Variants in GNL1 observed in about 807,000 individuals in gnomAD.
The protein encoded by GNL1 is guanine nucleotide-binding protein-like 1.
GNL1 carries 21 observed loss-of-function variants against 75.2 expected under a neutral mutation model. That is an observed-to-expected ratio of 0.28 (90% CI 0.20 to 0.40). GNL1 has a LOEUF of 0.40. Among genes scored for constraint, GNL1 ranks in the 10% least tolerant of loss-of-function variants. GNL1 has a pLI of 1.00. For missense variants in GNL1, 579 were observed against 775.0 expected (o/e 0.75, Z 3.00); for synonymous variants, 287 against 303.4 (o/e 0.95, Z 0.56).
Position 30,555,840 on chromosome 6 carries a change from A to AAATAGGGTGTCTGGGAG in GNL1, c.74-121_74-120insCTCCCAGACACCCTATT. On this transcript the variant is annotated intron_variant, in intron 1 of 11. Coordinates refer to ENST00000376621, the MANE Select transcript of GNL1 (RefSeq NM_005275.5). The surrounding 1 kb of genome is among the most constrained non-coding windows in gnomAD (Gnocchi z 4.3). The stretch of plus-strand genomic sequence containing the variant: ...ACTTCTTCCGATGTTCAGTCCTCCC[A>AAATAGGGTGTCTGGGAG]GACACCCTATTTGGGACCCTCCCGG... 2 of 1,115,890 alleles carry AAATAGGGTGTCTGGGAG rather than the reference A, an allele frequency of 1.8e-6. No homozygotes were observed. Among genetic ancestry groups the AAATAGGGTGTCTGGGAG allele is most frequent in the Non-Finnish European group, 2.6e-6 (2 of 774,544 alleles). 69.1% of individuals were successfully genotyped at this position (1,115,890 alleles called of 1,614,324 possible). A position where few individuals can be genotyped will look rare whatever the true frequency, so the allele number is the denominator to read the frequency against.
In GNL1 at chr6:30,556,116, C is replaced by A; in HGVS notation, c.73+15G>T. Reference sequence around the variant, plus strand: ...AAGCCCGAGCCCCGCCCCCTCCTCCCGCTCCCGCACTGACCTCTCTTCCGC... The same window carrying A: ...AAGCCCGAGCCCCGCCCCCTCCTCCAGCTCCCGCACTGACCTCTCTTCCGC... On this transcript the variant is annotated intron_variant, in intron 1 of 11. Transcript: ENST00000376621. This position sits in a 1 kb window ranked among gnomAD's most constrained non-coding sequence, Gnocchi z 5.7. The A allele has an allele frequency of 1.3e-6, 2 of 1,598,636 alleles. No homozygotes were observed. Among genetic ancestry groups the A allele is most frequent in the Non-Finnish European group, 1.7e-6 (2 of 1,175,710 alleles).
rs1314771869 is a variant in GNL1, at chr6:30,542,112, A to C, written c.*3960T>G. 6.7e-6 allele frequency: 1 copy of C among 149,344 alleles called. No homozygotes were observed. Among genetic ancestry groups the C allele is most frequent in the African/African-American group, 2.5e-5 (1 of 40,204 alleles). The allele number at this position is 149,344 out of a possible 1,614,324, so 9.3% of individuals were successfully genotyped here. A position where few individuals can be genotyped will look rare whatever the true frequency, so the allele number is the denominator to read the frequency against. On this transcript the variant is annotated 3_prime_UTR_variant, in exon 12 of 12. Coordinates refer to ENST00000376621, the MANE Select transcript of GNL1 (RefSeq NM_005275.5). This position sits in a 1 kb window ranked among gnomAD's most constrained non-coding sequence, Gnocchi z 4.5. Reference sequence around the variant, plus strand: ...CAAACATTTTGAAAATTCTCTCCTCACCTCCACTGCCTTTACGCTTTTCCT... The same window carrying C: ...CAAACATTTTGAAAATTCTCTCCTCCCCTCCACTGCCTTTACGCTTTTCCT...
rs557455041 is a variant in GNL1, at chr6:30,548,909, C to T, written c.1100-1379G>A. On this transcript the variant is annotated intron_variant, in intron 8 of 11. Transcript: ENST00000376621. This position sits in a 1 kb window ranked among gnomAD's most constrained non-coding sequence, Gnocchi z 4.2. Reference sequence around the variant, plus strand: ...TCTTCTTTGTAACTGTAAACTACAACATACAAAAAAATGCACAGAACATAC... The same window carrying T: ...TCTTCTTTGTAACTGTAAACTACAATATACAAAAAAATGCACAGAACATAC... 5.9e-5 allele frequency among the ~76,000 whole-genome samples: 9 copies of T among 152,310 alleles called. No homozygotes were observed. The South Asian group carries it at 1.9e-3, about 32-fold the overall frequency.
chr6:30,545,892 AGAG>A lies in GNL1; in HGVS notation c.*177_*179del, dbSNP rs1799417143. The A allele has an allele frequency of 1.0e-5, 6 of 579,958 alleles. No individual in the cohort carries two copies. Among genetic ancestry groups the A allele is most frequent in the Non-Finnish European group, 6.0e-6 (2 of 331,540 alleles). 35.9% of individuals were successfully genotyped at this position (579,958 alleles called of 1,614,324 possible). On this transcript the variant is annotated 3_prime_UTR_variant, in exon 12 of 12. Transcript: ENST00000376621. ...AGAATGCATGAAAAAAGAAGGGAGA[AGAG>A]GAGAGAAGCCTCCCACAGCTGTTAG...
chr6:30,546,881 T>A lies in GNL1; in HGVS notation c.1442-45A>T. The A allele has an allele frequency of 6.8e-7, 1 of 1,475,374 alleles. No individual in the cohort carries two copies. Among genetic ancestry groups the A allele is most frequent in the Non-Finnish European group, 9.3e-7 (1 of 1,072,160 alleles). 91.4% of individuals were successfully genotyped at this position (1,475,374 alleles called of 1,614,324 possible). Reference sequence around the variant, plus strand: ...ATGGAAAGGGAAAGCATTAACCAGGTACCAGTTATACTCCCACTCCCATAA... The same window carrying A: ...ATGGAAAGGGAAAGCATTAACCAGGAACCAGTTATACTCCCACTCCCATAA... On this transcript the variant is annotated intron_variant, in intron 10 of 11. Transcript: ENST00000376621. The surrounding 1 kb of genome is among the most constrained non-coding windows in gnomAD (Gnocchi z 5.1).
rs191061479 is a variant in GNL1 at position 30,546,656 on chromosome 6, G to A, written c.1582+40C>T. 2.1e-5 allele frequency: 33 copies of A among 1,542,016 alleles called. No homozygotes were observed. Among genetic ancestry groups the A allele is most frequent in the Admixed American group, 1.8e-4 (10 of 54,994 alleles). On this transcript the variant is annotated intron_variant, in intron 11 of 11. Coordinates refer to ENST00000376621, the MANE Select transcript of GNL1 (RefSeq NM_005275.5). This position sits in a 1 kb window ranked among gnomAD's most constrained non-coding sequence, Gnocchi z 5.1. The stretch of plus-strand genomic sequence containing the variant: ...ACAAAGCCCACACCCTTTTACCTAC[G>A]CTATAGCAGGGGGCTGGGGAAGAAT...
chr6:30,546,008 A>C lies in GNL1; in HGVS notation c.*64T>G. 8.8e-7 allele frequency: 1 copy of C among 1,138,886 alleles called. No homozygotes were observed. Among genetic ancestry groups the C allele is most frequent in the Non-Finnish European group, 1.3e-6 (1 of 776,288 alleles). 70.5% of individuals were successfully genotyped at this position (1,138,886 alleles called of 1,614,324 possible). A position where few individuals can be genotyped will look rare whatever the true frequency, so the allele number is the denominator to read the frequency against. ...ATTCACAATTGGGGTGGCAGAGGGGAGATACCCCCAGGTCAGTCCAAAAGC... is the reference window on the plus strand; with the variant it reads ...ATTCACAATTGGGGTGGCAGAGGGGCGATACCCCCAGGTCAGTCCAAAAGC... On this transcript the variant is annotated 3_prime_UTR_variant, in exon 12 of 12. Coordinates refer to ENST00000376621, the MANE Select transcript of GNL1 (RefSeq NM_005275.5). The surrounding 1 kb of genome is among the most constrained non-coding windows in gnomAD (Gnocchi z 5.1).
In GNL1 at chr6:30,545,240, A is replaced by T. The variant is rs1799382362; in HGVS notation, c.*832T>A. 6.6e-6 allele frequency: 1 copy of T among 152,230 alleles called. No homozygotes were observed. The highest frequency in any genetic ancestry group is 1.5e-5 in the Non-Finnish European group (1 of 68,046). The allele number at this position is 152,230 out of a possible 1,614,324, so 9.4% of individuals were successfully genotyped here. On this transcript the variant is annotated 3_prime_UTR_variant, in exon 12 of 12. Coordinates refer to ENST00000376621, the MANE Select transcript of GNL1 (RefSeq NM_005275.5). ...CAATGAAACTTAACACTGTACTTAA[A>T]GGGCTGTTCTGCTCAAATCATAAAT... is the stretch of plus-strand genomic sequence containing the variant.
At position 30,555,102 on chromosome 6, in the gene GNL1, G is replaced by C; in HGVS notation, c.329C>G (p.Ala110Gly). 6.2e-7 allele frequency: 1 copy of C among 1,612,920 alleles called. No individual in the cohort carries two copies. Among genetic ancestry groups the C allele is most frequent in the African/African-American group, 1.3e-5 (1 of 74,992 alleles). ...AREQVLQPVS[A>G]ELLELDIREV... ...CCGGATGTCCAGCTCCAACAACTCA[G>C]CACTGACCGGCTGTAGAACTTGCTC... Residue 110 changes from alanine to glycine, a missense_variant, in exon 3 of 12, where the codon GCT (alanine) becomes GGT (glycine). Transcript: ENST00000376621. The surrounding 1 kb of genome is among the most constrained non-coding windows in gnomAD (Gnocchi z 4.3).
chr6:30,550,949 C>T (rs1462417541), intron 8 of GNL1, among the ~76,000 whole-genome samples: 1 of 152,188 alleles, frequency 6.6e-6, no homozygotes, highest in African/African-American at 2.4e-5. Flanking sequence ...CTCTCAGTCA[C>T]TCTCTATCCC....
rs369511775 is a variant in GNL1, at chr6:30,555,768, C to T, written c.74-48G>A. On this transcript the variant is annotated intron_variant, in intron 1 of 11. Transcript: ENST00000376621. This position sits in a 1 kb window ranked among gnomAD's most constrained non-coding sequence, Gnocchi z 4.3. ...CCAGTGCTGGCCAGCTCTCAGGGGC[C>T]ATAAGACCCTCTCCCCCATCGGCCT... 8 of 1,582,218 alleles carry T rather than the reference C, an allele frequency of 5.1e-6. No individual in the cohort carries two copies. In the African/African-American group the frequency reaches 5.4e-5, roughly 11 times the overall value.
At position 30,544,557 on chromosome 6, in the gene GNL1, A is replaced by G. The variant is rs1224895737; in HGVS notation, c.*1515T>C. ...TGGGAGACAGGTGGATTTTTCTCTCAGCTGGGACCTTTTCTCTTTCTTGTC... is the reference window on the plus strand; with the variant it reads ...TGGGAGACAGGTGGATTTTTCTCTCGGCTGGGACCTTTTCTCTTTCTTGTC... On this transcript the variant is annotated 3_prime_UTR_variant, in exon 12 of 12. Coordinates refer to ENST00000376621, the MANE Select transcript of GNL1 (RefSeq NM_005275.5). The G allele has an allele frequency of 6.6e-6, 1 of 152,206 alleles. No individual in the cohort carries two copies. The highest frequency in any genetic ancestry group is 1.5e-5 in the Non-Finnish European group (1 of 68,036). 9.4% of individuals were successfully genotyped at this position (152,206 alleles called of 1,614,324 possible).
chr6:30,547,754 T>C lies in GNL1; in HGVS notation c.1100-224A>G, dbSNP rs1201780294. 14 of 570,004 alleles carry C rather than the reference T, an allele frequency of 2.5e-5. No homozygotes were observed. The highest frequency in any genetic ancestry group is 3.1e-5 in the Non-Finnish European group (10 of 327,722). The allele number at this position is 570,004 out of a possible 1,614,324, so 35.3% of individuals were successfully genotyped here. On this transcript the variant is annotated intron_variant, in intron 8 of 11. Coordinates refer to ENST00000376621, the MANE Select transcript of GNL1 (RefSeq NM_005275.5). The surrounding 1 kb of genome is among the most constrained non-coding windows in gnomAD (Gnocchi z 5.5). ...TTTCTGAGCCTCTGTTTCTTCATTT[T>C]ACAGTGTGGACACCTCCCTACCTCA...
At position 30,545,316 on chromosome 6, in the gene GNL1, C is replaced by T. The variant is rs1178052753; in HGVS notation, c.*756G>A. The T allele has an allele frequency of 6.6e-6, 1 of 152,236 alleles. No homozygotes were observed. The highest frequency in any genetic ancestry group is 6.5e-5 in the Admixed American group (1 of 15,280). The allele number at this position is 152,236 out of a possible 1,614,324, so 9.4% of individuals were successfully genotyped here. A position where few individuals can be genotyped will look rare whatever the true frequency, so the allele number is the denominator to read the frequency against. On this transcript the variant is annotated 3_prime_UTR_variant, in exon 12 of 12. Coordinates refer to ENST00000376621, the MANE Select transcript of GNL1 (RefSeq NM_005275.5). Reference sequence around the variant, plus strand: ...TTAAAACTACTCGTACACATTTAATCAACATTTTCACAAGCGTTTTGCCTT... The same window carrying T: ...TTAAAACTACTCGTACACATTTAATTAACATTTTCACAAGCGTTTTGCCTT...
rs1380410918 is a variant in GNL1 at position 30,543,471 on chromosome 6, G to A, written c.*2601C>T. The A allele has an allele frequency of 1.3e-5, 2 of 152,140 alleles. No homozygotes were observed. The highest frequency in any genetic ancestry group is 6.6e-5 in the Admixed American group (1 of 15,258). 9.4% of individuals were successfully genotyped at this position (152,140 alleles called of 1,614,324 possible). On this transcript the variant is annotated 3_prime_UTR_variant, in exon 12 of 12. Coordinates refer to ENST00000376621, the MANE Select transcript of GNL1 (RefSeq NM_005275.5). ...AGTAATTGCTCAACAAATGTTCTAT[G>A]AGTGAATGAATCCTTGGGATAATTA...
rs752372831 is a variant in GNL1, at chr6:30,552,479, T to C, written c.1087A>G (p.Ile363Val). 5 of 1,612,968 alleles carry C rather than the reference T, an allele frequency of 3.1e-6. No individual in the cohort carries two copies. Among genetic ancestry groups the C allele is most frequent in the East Asian group, 2.2e-5 (1 of 44,858 alleles). The change falls in exon 8 of 12, where the codon ATC becomes GTC. Residue 363 changes from isoleucine (I) to valine (V), a missense_variant. Transcript: ENST00000376621. This position sits in a 1 kb window ranked among gnomAD's most constrained non-coding sequence, Gnocchi z 4.5. ...GCCACTTCCTTACCCACACAGCCGA[T>C]GGTCACCACCCCATCCTTGTAGCGC... is the stretch of plus-strand genomic sequence containing the variant. The part of the protein sequence containing the change: ...QERYKDGVVT[I>V]GCVGFPNVGK...
Position 30,552,472 on chromosome 6 carries a change from C to G in GNL1, c.1094G>C (p.Cys365Ser). ...ACAAGCTGCCACTTCCTTACCCACA[C>G]AGCCGATGGTCACCACCCCATCCTT... is the stretch of plus-strand genomic sequence containing the variant. ...RYKDGVVTIGCVGFPNVGKSS... is the reference protein window; with the variant it reads ...RYKDGVVTIGSVGFPNVGKSS... The change falls in exon 8 of 12, where the codon TGT becomes TCT. Residue 365 changes from cysteine to serine, a missense_variant. Transcript: ENST00000376621. The surrounding 1 kb of genome is among the most constrained non-coding windows in gnomAD (Gnocchi z 4.5). 1 of 1,611,566 alleles carries G rather than the reference C, an allele frequency of 6.2e-7. No individual in the cohort carries two copies. The highest frequency in any genetic ancestry group is 8.5e-7 in the Non-Finnish European group (1 of 1,178,274).
chr6:30,546,990 G>C lies in GNL1; in HGVS notation c.1441+122C>G. The C allele has an allele frequency of 8.9e-7, 1 of 1,119,458 alleles. No homozygotes were observed. 69.3% of individuals were successfully genotyped at this position (1,119,458 alleles called of 1,614,324 possible). A position where few individuals can be genotyped will look rare whatever the true frequency, so the allele number is the denominator to read the frequency against. ...ACAAAAATCTAGGGGTGAGTGGACAGCAGCTTCATCAATGGCAGAATCTCT... is the reference window on the plus strand; with the variant it reads ...ACAAAAATCTAGGGGTGAGTGGACACCAGCTTCATCAATGGCAGAATCTCT... On this transcript the variant is annotated intron_variant, in intron 10 of 11. Transcript: ENST00000376621. This position sits in a 1 kb window ranked among gnomAD's most constrained non-coding sequence, Gnocchi z 5.1.
rs544935401 is a variant in GNL1, at chr6:30,551,569, C to G, written c.1099+898G>C. ...GGTCCTAATCATACATTCCTTTTTC[C>G]TCCACTGTGAGCTGAGACAAAGCCC... On this transcript the variant is annotated intron_variant, in intron 8 of 11. Transcript: ENST00000376621. Among the ~76,000 whole-genome samples the G allele has an allele frequency of 2.4e-3, 361 of 152,220 alleles. 3 individuals are homozygous for G. The highest frequency in any genetic ancestry group is 6.4e-3 in the African/African-American group (264 of 41,536).
Sources: gnomAD v4.1 joint callset for allele counts (sites outside exome capture counted in the v4.1 genomes callset) on GRCh38, gnomAD v4.1.1 for gene constraint, Gnocchi (gnomAD v3.1) non-coding constraint, MANE v1.5 for transcripts, NCBI Gene and HGNC (gene_info 2026-07-23, HGNC 2026-07-21) for gene names.